SMIM21: variants seen among roughly 807,000 people sequenced by gnomAD.
The protein encoded by SMIM21 is chromosome 18 open reading frame 62.
SMIM21 carries 8 observed loss-of-function variants against 8.6 expected under a neutral mutation model. That is an observed-to-expected ratio of 0.93 (90% CI 0.55 to 1.68). SMIM21 has a LOEUF of 1.68. Among genes scored for constraint, SMIM21 ranks in the 40% most tolerant of loss-of-function variants. SMIM21 has a pLI of 0.00. For missense variants in SMIM21, 132 were observed against 123.0 expected, an observed-to-expected ratio of 1.07 and a Z score of -0.35; for synonymous variants, 43 against 41.7, an observed-to-expected ratio of 1.03 and a Z score of -0.12.
intron 2 of SMIM21, among the ~76,000 whole-genome samples, chr18:75,411,211 T>G (rs1326835574): frequency 2.6e-5 from 4 of 152,196 alleles, no homozygotes; most frequent in Non-Finnish European, 5.9e-5. Context: ...AAGCCCTTAC[T>G]AGCCTTGTAT....
Position 75,421,157 on chromosome 18 carries a change from A to G in SMIM21, c.130-2241T>C, listed in dbSNP as rs544822448. Among the ~76,000 whole-genome samples, 17 of 152,354 alleles carry G rather than the reference A, an allele frequency of 1.1e-4. No individual in the cohort carries two copies. In the South Asian group the frequency reaches 3.5e-3, roughly 32 times the overall value. On this transcript the variant is annotated intron_variant, in intron 1 of 2. Coordinates refer to ENST00000579022, the MANE Select transcript of SMIM21 (RefSeq NM_001037331.3). The stretch of plus-strand genomic sequence containing the variant: ...AACTTAAGTAAAACAAATACAAAAC[A>G]AAAACCAGCTTTAGGTCCCATGAGG...
chr18:75,426,885 A>G (rs4410169), intron 1 of SMIM21, among the ~76,000 whole-genome samples: 40,337 of 152,008 alleles, frequency 0.27, 6,404 homozygotes, highest in Middle Eastern at 0.37. Flanking sequence ...GAAGCTATTG[A>G]TCACCCCATC....
intron 2 of SMIM21, 124 bp from the exon 3 acceptor site, chr18:75,411,033 C>CA: frequency 7.2e-7 from 1 of 1,380,958 alleles, no homozygotes; most frequent in Non-Finnish European, 9.8e-7. Flanking sequence ...TTTTTCCCCC[C>CA]AAGATTTTGG....
At chr18:75,427,395 G>A (rs552532605) in intron 1 of SMIM21, 40 bp downstream of exon 1, 23 of 1,600,794 alleles carry the variant, frequency 1.4e-5, no homozygotes, top group South Asian at 2.3e-5. Flanking sequence ...GCAGTGATAC[G>A]TCTCTCTCAT....
rs1261260847 is a variant in SMIM21 at position 75,409,991 on chromosome 18, T to TTC, written c.*871_*872dup. 6.5e-6 allele frequency: 1 copy of TTC among 152,714 alleles called. No homozygotes were observed. The highest frequency in any genetic ancestry group is 1.5e-5 in the Non-Finnish European group (1 of 68,074). The allele number at this position is 152,714 out of a possible 1,614,324, so 9.5% of individuals were successfully genotyped here. On this transcript the variant is annotated 3_prime_UTR_variant, in exon 3 of 3. Coordinates refer to ENST00000579022, the MANE Select transcript of SMIM21 (RefSeq NM_001037331.3). ...CCGCCTTAACTTTGAGTCTCCTTGC[T>TTC]TCTGTCAGGAGGTGCCACAACCTTA...
intron 1 of SMIM21, among the ~76,000 whole-genome samples, chr18:75,419,649 CT>C (rs1443739681): frequency 2.0e-5 from 3 of 152,074 alleles, no homozygotes; most frequent in Admixed American, 6.6e-5. Flanking sequence ...CATTCTTCTT[CT>C]TTCTCAGAAA....
intron 2 of SMIM21, among the ~76,000 whole-genome samples, chr18:75,411,743 C>G (rs1411749716): frequency 6.6e-6 from 1 of 152,208 alleles, no homozygotes; most frequent in East Asian, 1.9e-4. Flanking sequence ...ATCGATCCTT[C>G]TTTAAATAAA....
At chr18:75,411,722 T>C (rs2024586881) in intron 2 of SMIM21, among the ~76,000 whole-genome samples, 1 of 152,220 alleles carries the variant, frequency 6.6e-6, no homozygotes, top group Non-Finnish European at 1.5e-5. Context: ...AAATAATATT[T>C]AGCAAGCCTC....
chr18:75,420,805 C>A (rs991390767), intron 1 of SMIM21, among the ~76,000 whole-genome samples: 3 of 152,146 alleles, frequency 2.0e-5, no homozygotes, highest in Non-Finnish European at 2.9e-5. Flanking sequence ...GGGAGCTTTC[C>A]TGGGCCCTTT....
chr18:75,412,257 G>A (rs531737452), intron 2 of SMIM21, among the ~76,000 whole-genome samples: 1 of 152,338 alleles, frequency 6.6e-6, no homozygotes, highest in South Asian at 2.1e-4. Context: ...TTTCACAATA[G>A]TTGAGTGTGG....
chr18:75,420,921 A>T (rs1465077864), intron 1 of SMIM21, among the ~76,000 whole-genome samples: 10 of 152,184 alleles, frequency 6.6e-5, no homozygotes, highest in Admixed American at 1.3e-4. Flanking sequence ...CACTGCCAGT[A>T]GTGAGAGAGT....
intron 1 of SMIM21, among the ~76,000 whole-genome samples, chr18:75,426,843 GA>G (rs1262546166): frequency 6.6e-6 from 1 of 151,968 alleles, no homozygotes; most frequent in African/African-American, 2.4e-5. Context: ...TAACCTTTCC[GA>G]TATATGACTG....
chr18:75,426,098 A>G (rs2144562135), intron 1 of SMIM21, among the ~76,000 whole-genome samples: 1 of 152,248 alleles, frequency 6.6e-6, no homozygotes, highest in Non-Finnish European at 1.5e-5. Flanking sequence ...CCGGCCTAGT[A>G]TTAATTCATA....
At chr18:75,418,655 C>T (rs1307011940) in intron 2 of SMIM21, 131 bp downstream of exon 2, 5 of 830,848 alleles carry the variant, frequency 6.0e-6, no homozygotes, top group Non-Finnish European at 9.0e-6. Context: ...AGCATGTGCA[C>T]TCTCCTAGGT....
chr18:75,418,419 C>T (rs956419824), intron 2 of SMIM21, among the ~76,000 whole-genome samples: 1 of 152,100 alleles, frequency 6.6e-6, no homozygotes. Flanking sequence ...AATGGTTTAC[C>T]TATTAGAAGG....
At chr18:75,424,976 G>A (rs727893) in intron 1 of SMIM21, among the ~76,000 whole-genome samples, 40,323 of 152,106 alleles carry the variant, frequency 0.27, 6,401 homozygotes, top group Middle Eastern at 0.37. Context: ...CAAGCCACAG[G>A]CCAAGCCTGG....
chr18:75,411,135 A>G (rs1258890600), intron 2 of SMIM21, among the ~76,000 whole-genome samples: 1 of 152,222 alleles, frequency 6.6e-6, no homozygotes, highest in Non-Finnish European at 1.5e-5. Flanking sequence ...GAACCCTGGA[A>G]TAATTCTCTG....
At chr18:75,421,934 T>C (rs2144557268) in intron 1 of SMIM21, among the ~76,000 whole-genome samples, 1 of 152,262 alleles carries the variant, frequency 6.6e-6, no homozygotes, top group East Asian at 1.9e-4. Flanking sequence ...GCAAGTAATT[T>C]TGAGCTTTTG....
chr18:75,410,567 T>C lies in SMIM21; in HGVS notation c.*297A>G, dbSNP rs561996186. 4 of 477,754 alleles carry C rather than the reference T, an allele frequency of 8.4e-6. No homozygotes were observed. In the South Asian group the frequency reaches 1.9e-4, roughly 23 times the overall value. 29.6% of individuals were successfully genotyped at this position (477,754 alleles called of 1,614,324 possible). A position where few individuals can be genotyped will look rare whatever the true frequency, so the allele number is the denominator to read the frequency against. ...CAGGCTTGATGTCCTAATGAAGAAG[T>C]TCTTTGCACTGCTGGATCTGTTTCG... On this transcript the variant is annotated 3_prime_UTR_variant, in exon 3 of 3. Coordinates refer to ENST00000579022, the MANE Select transcript of SMIM21 (RefSeq NM_001037331.3).
Sources: allele counts gnomAD v4.1 joint callset (sites outside exome capture counted in the v4.1 genomes callset), GRCh38; gene constraint gnomAD v4.1.1; transcripts MANE v1.5; gene names NCBI Gene and HGNC (gene_info 2026-07-23, HGNC 2026-07-21).